Variants in USP15 observed in about 807,000 individuals in gnomAD.
USP15 encodes ubiquitin carboxyl-terminal hydrolase 15.
A neutral mutation model predicts 127.1 loss-of-function variants in USP15; 18 were observed. The observed-to-expected ratio is 0.14, with a 90% CI of 0.10 to 0.21. USP15 has a LOEUF of 0.21. Among genes scored for constraint, USP15 ranks in the 10% least tolerant of loss-of-function variants. USP15 has a pLI of 1.00. For synonymous variants in USP15, 364 were observed against 393.7 expected (o/e 0.92, Z 0.89); for missense variants, 805 against 1,159.9 (o/e 0.69, Z 4.44).
chr12:62,324,099 C>G (rs1055614454), intron 5 of USP15, among the ~76,000 whole-genome samples: 1 of 151,552 alleles, frequency 6.6e-6, no homozygotes, highest in Non-Finnish European at 1.5e-5. Flanking sequence ...TGAAGCATTT[C>G]TTCTCTCCTT....
intron 20 of USP15, among the ~76,000 whole-genome samples, chr12:62,399,266 G>A (rs1261592095): frequency 6.6e-6 from 1 of 152,144 alleles, no homozygotes; most frequent in Non-Finnish European, 1.5e-5. Flanking sequence ...CTTAGCAGAG[G>A]TCCTGTGTAG....
intron 1 of USP15, among the ~76,000 whole-genome samples, chr12:62,270,683 G>A (rs796678863): frequency 2.6e-5 from 4 of 151,936 alleles, no homozygotes; most frequent in African/African-American, 9.7e-5. Flanking sequence ...TAAAAGTGAG[G>A]GTTTATTTCT....
intron 8 of USP15, among the ~76,000 whole-genome samples, chr12:62,381,170 C>CA (rs1404154761): frequency 6.6e-6 from 1 of 152,082 alleles, no homozygotes; most frequent in Non-Finnish European, 1.5e-5. Context: ...TAATTTCTAC[C>CA]AATCAAGTAA....
intron 7 of USP15, among the ~76,000 whole-genome samples, chr12:62,351,241 A>T (rs953556440): frequency 2.6e-5 from 4 of 151,886 alleles, no homozygotes; most frequent in African/African-American, 9.7e-5. Flanking sequence ...GAATATTCAG[A>T]ATTACACTGC....
At chr12:62,277,777 A>T (rs769576201) in intron 1 of USP15, 1 of 152,164 alleles carries the variant, frequency 6.6e-6, no homozygotes, top group Admixed American at 6.5e-5. Flanking sequence ...GCTGCATTCA[A>T]AGGTGTCCTG....
At chr12:62,260,582 C>G in intron 1 of USP15, 79 bp downstream of exon 1, 2 of 1,389,962 alleles carry the variant, frequency 1.4e-6, no homozygotes, top group South Asian at 2.6e-5. Flanking sequence ...CTGGTTCTTT[C>G]GCTAGTGACA....
intron 6 of USP15, among the ~76,000 whole-genome samples, chr12:62,340,266 C>T (rs1181319491): frequency 6.6e-6 from 1 of 151,922 alleles, no homozygotes; most frequent in African/African-American, 2.4e-5. Context: ...CTATTTGATT[C>T]TTCTCTCTTT....
intron 1 of USP15, 68 bp downstream of exon 1, chr12:62,260,571 G>A: frequency 6.9e-7 from 1 of 1,456,646 alleles, no homozygotes; most frequent in Non-Finnish European, 9.3e-7. Flanking sequence ...GGAGCCGCGA[G>A]CTGGTTCTTT....
intron 3 of USP15, 110 bp downstream of exon 3, chr12:62,303,030 C>G (rs1016830814): frequency 7.7e-7 from 1 of 1,301,788 alleles, no homozygotes; most frequent in African/African-American, 1.5e-5. Flanking sequence ...GAGAAAAAGC[C>G]AGCAAAATAA....
chr12:62,293,055 C>T (rs774391185), intron 1 of USP15, among the ~76,000 whole-genome samples: 1 of 152,122 alleles, frequency 6.6e-6, no homozygotes, highest in Non-Finnish European at 1.5e-5. Context: ...AGGTGAGCAA[C>T]CCAGCGTGAG....
intron 6 of USP15, chr12:62,327,895 A>G: frequency 4.4e-6 from 1 of 225,914 alleles, no homozygotes; most frequent in Non-Finnish European, 9.0e-6. Flanking sequence ...TCCATTCCCT[A>G]TAAAATCTAA....
At chr12:62,322,439 A>G (rs2065010058) in intron 5 of USP15, among the ~76,000 whole-genome samples, 1 of 151,884 alleles carries the variant, frequency 6.6e-6, no homozygotes, top group Non-Finnish European at 1.5e-5. Flanking sequence ...CCCGGCCGGT[A>G]TTTTTTTAAT....
intron 3 of USP15, chr12:62,304,665 A>G (rs1364032231): frequency 4.5e-6 from 2 of 449,388 alleles, no homozygotes; most frequent in South Asian, 3.1e-5. Context: ...AAAATGCGTC[A>G]TTTATAGTGT....
intron 8 of USP15, among the ~76,000 whole-genome samples, chr12:62,360,253 A>G (rs985102074): frequency 6.6e-6 from 1 of 152,120 alleles, no homozygotes; most frequent in African/African-American, 2.4e-5. Context: ...AAAAAATGAT[A>G]CTAATCAAAG....
At chr12:62,338,250 A>G (rs1392308673) in intron 6 of USP15, among the ~76,000 whole-genome samples, 1 of 151,930 alleles carries the variant, frequency 6.6e-6, no homozygotes, top group Non-Finnish European at 1.5e-5. Context: ...GCTTTTTTTC[A>G]TATGTTTTTG....
intron 8 of USP15, chr12:62,374,514 G>A: frequency 1.0e-6 from 1 of 985,712 alleles, no homozygotes; most frequent in South Asian, 4.7e-5. Context: ...TTTTGAAGGG[G>A]ATTACTTTGG....
chr12:62,345,848 A>G (rs559509112), intron 6 of USP15, among the ~76,000 whole-genome samples: 335 of 152,234 alleles, frequency 2.2e-3, no homozygotes, highest in Non-Finnish European at 3.5e-3. Flanking sequence ...AAAAACTCCC[A>G]TTTTTAAGAC....
intron 2 of USP15, among the ~76,000 whole-genome samples, chr12:62,300,310 T>C (rs1363973929): frequency 6.6e-6 from 1 of 152,166 alleles, no homozygotes; most frequent in Non-Finnish European, 1.5e-5. Context: ...TGGTCTACTT[T>C]AAGTTAGTTT....
chr12:62,370,130 A>T (rs919177465), intron 8 of USP15, among the ~76,000 whole-genome samples: 8 of 151,324 alleles, frequency 5.3e-5, no homozygotes. Context: ...GTGCACCACC[A>T]CTCCCGGCTA....
Sources: allele counts gnomAD v4.1 joint callset (sites outside exome capture counted in the v4.1 genomes callset), GRCh38; gene constraint gnomAD v4.1.1; transcripts MANE v1.5; gene names NCBI Gene and HGNC (gene_info 2026-07-23, HGNC 2026-07-21).